Variants in BRINP1 observed in about 807,000 individuals in gnomAD.
BRINP1 encodes the protein BMP/retinoic acid-inducible neural-specific protein 1.
BRINP1 carries 17 observed loss-of-function variants against 72.9 expected under a neutral mutation model. The ratio of observed to expected loss-of-function variants is 0.23; its 90% confidence interval spans 0.16 to 0.35. The LOEUF is 0.35. Among genes scored for constraint, BRINP1 ranks in the 10% least tolerant of loss-of-function variants. The pLI is 1.00. For synonymous variants in BRINP1, 418 were observed against 378.5 expected (o/e 1.10, Z -1.21); for missense variants, 850 against 1,001.6 (o/e 0.85, Z 2.04).
At chr9:119,190,603 A>G (rs1829673728) in intron 7 of BRINP1, among the ~76,000 whole-genome samples, 1 of 152,006 alleles carries the variant, frequency 6.6e-6, no homozygotes, top group Non-Finnish European at 1.5e-5. Context: ...TGAATCAGGA[A>G]GAAAAAGAAA....
chr9:119,189,764 G>A (rs868238230), intron 7 of BRINP1, among the ~76,000 whole-genome samples: 1 of 151,934 alleles, frequency 6.6e-6, no homozygotes, highest in Admixed American at 6.6e-5. Flanking sequence ...AATAGATCAA[G>A]CAGACAGAAA....
At chr9:119,356,882 T>C in intron 1 of BRINP1, among the ~76,000 whole-genome samples, 1 of 152,184 alleles carries the variant, frequency 6.6e-6, no homozygotes, top group South Asian at 2.1e-4. Flanking sequence ...AATATAGATT[T>C]CCACCAATGC....
chr9:119,361,751 G>GCTGGAACTA (rs1831633778), intron 1 of BRINP1, among the ~76,000 whole-genome samples: 1 of 148,694 alleles, frequency 6.7e-6, no homozygotes, highest in Admixed American at 6.7e-5. Context: ...CTCCCAGGTA[G>GCTGGAACTA]CTGGAACTAC....
rs879353447 is a variant in BRINP1, at chr9:119,366,518, G to A, written c.-51+2538C>T. 5.3e-3 allele frequency among the ~76,000 whole-genome samples: 720 copies of A among 136,324 alleles called. 14 individuals carry two copies. The highest frequency in any genetic ancestry group is 0.013 in the East Asian group (64 of 4,872). The allele number at this position is 136,324 out of a possible 152,430, so 89.4% of individuals were successfully genotyped here. ...CCCCCACCACCGTGTGTGTGTGTGT[G>A]TGTGTGTGTGTGTGTGTGTGTGTGT... On this transcript the variant is annotated intron_variant, in intron 1 of 7. Coordinates refer to ENST00000265922, the MANE Select transcript of BRINP1 (RefSeq NM_014618.3).
intron 5 of BRINP1, among the ~76,000 whole-genome samples, chr9:119,233,201 T>C (rs1564224164): frequency 6.6e-6 from 1 of 151,982 alleles, no homozygotes; most frequent in East Asian, 1.9e-4. Flanking sequence ...GAGAGAAATA[T>C]AGAGGAAACA....
rs148484632 is a variant in BRINP1 at position 119,196,882 on chromosome 9, G to A, written c.1145+11837C>T. Among the ~76,000 whole-genome samples the A allele has an allele frequency of 3.4e-3, 523 of 152,286 alleles. 3 individuals carry two copies. The highest frequency in any genetic ancestry group is 0.012 in the African/African-American group (486 of 41,552). On this transcript the variant is annotated intron_variant, in intron 7 of 7. Transcript: ENST00000265922. The stretch of plus-strand genomic sequence containing the variant: ...CCCACACTCTATTCTTCATAGGTAC[G>A]TATTGCTTTCTTGAATGGAAAATCA...
intron 1 of BRINP1, among the ~76,000 whole-genome samples, chr9:119,315,570 G>A (rs1056987046): frequency 6.6e-6 from 1 of 151,798 alleles, no homozygotes; most frequent in African/African-American, 2.4e-5. Context: ...AACCTACAAT[G>A]ACCTATAATT....
chr9:119,205,087 C>T (rs1774307120), intron 7 of BRINP1, among the ~76,000 whole-genome samples: 1 of 152,196 alleles, frequency 6.6e-6, no homozygotes, highest in African/African-American at 2.4e-5. Flanking sequence ...CCAGTGTTAG[C>T]ACCTCTGTCC....
At chr9:119,317,737 C>G (rs1179244564) in intron 1 of BRINP1, among the ~76,000 whole-genome samples, 1 of 152,220 alleles carries the variant, frequency 6.6e-6, no homozygotes, top group East Asian at 1.9e-4. Context: ...GAAATTGCCA[C>G]TGCCACCCAG....
chr9:119,352,201 G>A (rs182844894), intron 1 of BRINP1, among the ~76,000 whole-genome samples: 351 of 152,302 alleles, frequency 2.3e-3, no homozygotes, highest in East Asian at 8.5e-3. Context: ...AGCTCCATCT[G>A]TCTTTACTAT....
chr9:119,328,843 A>C (rs77120625), intron 1 of BRINP1, among the ~76,000 whole-genome samples: 1,752 of 152,312 alleles, frequency 0.012, 30 homozygotes, highest in Middle Eastern at 0.065. Flanking sequence ...GAATGGTTCA[A>C]ACAAGGATGT....
At chr9:119,320,879 C>G (rs1831179511) in intron 1 of BRINP1, among the ~76,000 whole-genome samples, 2 of 151,936 alleles carry the variant, frequency 1.3e-5, no homozygotes, top group African/African-American at 4.8e-5. Context: ...GCACTTATTG[C>G]TTTACACATG....
At chr9:119,363,117 T>C (rs1384420933) in intron 1 of BRINP1, among the ~76,000 whole-genome samples, 1 of 152,200 alleles carries the variant, frequency 6.6e-6, no homozygotes, top group Non-Finnish European at 1.5e-5. Context: ...TTTTGTTTTT[T>C]GAAACAGGGT....
chr9:119,331,848 C>T (rs562813121), intron 1 of BRINP1, among the ~76,000 whole-genome samples: 3 of 152,348 alleles, frequency 2.0e-5, no homozygotes, highest in South Asian at 2.1e-4. Flanking sequence ...AATGTTCAAC[C>T]TCTTGGACCC....
intron 7 of BRINP1, among the ~76,000 whole-genome samples, chr9:119,197,108 G>C (rs747180515): frequency 6.6e-6 from 1 of 152,200 alleles, no homozygotes; most frequent in African/African-American, 2.4e-5. Flanking sequence ...TTTAAACGCA[G>C]CATTGCAAAT....
chr9:119,332,780 C>T (rs1831312381), intron 1 of BRINP1, among the ~76,000 whole-genome samples: 1 of 152,134 alleles, frequency 6.6e-6, no homozygotes, highest in Non-Finnish European at 1.5e-5. Context: ...GATCAGTGAG[C>T]CTGGGTTAGG....
intron 1 of BRINP1, among the ~76,000 whole-genome samples, chr9:119,319,958 T>C (rs1831167972): frequency 6.6e-6 from 1 of 152,180 alleles, no homozygotes; most frequent in Non-Finnish European, 1.5e-5. Context: ...ATATGAAATA[T>C]GCTGCCATAA....
At chr9:119,211,164 C>CTTTATTTA (rs71506209) in intron 6 of BRINP1, among the ~76,000 whole-genome samples, 1,808 of 147,208 alleles carry the variant, frequency 0.012, 17 homozygotes, top group Non-Finnish European at 0.017. Context: ...AATACATTAA[C>CTTTATTTA]TTTATTTATT....
At chr9:119,322,166 C>G (rs10984483) in intron 1 of BRINP1, among the ~76,000 whole-genome samples, 5,234 of 152,318 alleles carry the variant, frequency 0.034, 128 homozygotes, top group Non-Finnish European at 0.055. Flanking sequence ...CATTTCAGAA[C>G]TGTTGTTCTT....
Sources: gnomAD v4.1 joint callset for allele counts (sites outside exome capture counted in the v4.1 genomes callset) on GRCh38, gnomAD v4.1.1 for gene constraint, MANE v1.5 for transcripts, NCBI Gene and HGNC (gene_info 2026-07-23, HGNC 2026-07-21) for gene names.